Variants in ADH1C observed in about 807,000 individuals in gnomAD.
The protein encoded by ADH1C is alcohol dehydrogenase 1C (class I), gamma polypeptide.
Under a neutral mutation model 35.0 loss-of-function variants are expected in ADH1C, and 26 were observed. The observed-to-expected ratio is 0.74, with a 90% CI of 0.54 to 1.03. The LOEUF (loss-of-function observed/expected upper bound fraction) is 1.03. Ranked by LOEUF, ADH1C falls within the 50% of genes least tolerant of loss-of-function variation. ADH1C has a pLI of 0.00. For missense variants in ADH1C, 413 were observed against 465.4 expected (o/e 0.89, Z 1.04); for synonymous variants, 170 against 169.3 (o/e 1.00, Z -0.03).
At chr4:99,339,849 T>G in intron 7 of ADH1C, 134 bp from the exon 8 acceptor site, 1 of 829,320 alleles carries the variant, frequency 1.2e-6, no homozygotes, top group East Asian at 2.7e-5. Context: ...TAATAAGAGA[T>G]AGAGTACTTC....
intron 5 of ADH1C, 114 bp from the exon 6 acceptor site, chr4:99,343,169 C>A: frequency 2.1e-6 from 3 of 1,434,284 alleles, no homozygotes; most frequent in East Asian, 4.6e-5. Flanking sequence ...CTCTTCTGTC[C>A]AATCTGTTAT....
intron 6 of ADH1C, 45 bp downstream of exon 6, chr4:99,342,750 C>T (rs1417583998): frequency 3.7e-6 from 6 of 1,612,588 alleles, no homozygotes; most frequent in Non-Finnish European, 5.1e-6. Context: ...AATGCATCCT[C>T]CAGGTTGCAG....
At chr4:99,341,679 T>C in intron 6 of ADH1C, among the ~76,000 whole-genome samples, 1 of 152,152 alleles carries the variant, frequency 6.6e-6, no homozygotes, top group Non-Finnish European at 1.5e-5. Context: ...CAATGGAAAC[T>C]TTTTTGTTTC....
intron 8 of ADH1C, among the ~76,000 whole-genome samples, chr4:99,337,901 A>G (rs1734313715): frequency 6.6e-6 from 1 of 152,028 alleles, no homozygotes; most frequent in Non-Finnish European, 1.5e-5. Flanking sequence ...GAATTTATTA[A>G]ATCATATTCT....
At chr4:99,343,607 G>A (rs543459838) in intron 5 of ADH1C, among the ~76,000 whole-genome samples, 18 of 152,224 alleles carry the variant, frequency 1.2e-4, no homozygotes, top group East Asian at 9.6e-4. Flanking sequence ...TTCAGTAGTC[G>A]TGACCAGTAT....
At chr4:99,345,398 T>G in intron 3 of ADH1C, 132 bp from the exon 4 acceptor site, 7 of 971,348 alleles carry the variant, frequency 7.2e-6, no homozygotes, top group Non-Finnish European at 1.1e-5. Context: ...TAGTCACAAC[T>G]ATGTCATTTG....
intron 1 of ADH1C, 34 bp downstream of exon 1, chr4:99,352,624 A>C (rs1402480073): frequency 6.4e-7 from 1 of 1,559,888 alleles, no homozygotes; most frequent in African/African-American, 1.4e-5. Flanking sequence ...ATTGAAGAGA[A>C]TATATTATCA....
Position 99,342,708 on chromosome 4 carries a change from C to A in ADH1C, c.828+87G>T, listed in dbSNP as rs2110656531. The A allele has an allele frequency of 2.6e-6, 4 of 1,555,260 alleles. No homozygotes were observed. The East Asian group carries it at 9.0e-5, about 35-fold the overall frequency. Reference sequence around the variant, plus strand: ...ATTTCCATTCATCATTAAAAATATCCTTTATACATAATACGTATATTCTAC... The same window carrying A: ...ATTTCCATTCATCATTAAAAATATCATTTATACATAATACGTATATTCTAC... On this transcript the variant is annotated intron_variant, in intron 6 of 8. Transcript: ENST00000515683.
At chr4:99,341,592 T>C (rs977547957) in intron 6 of ADH1C, among the ~76,000 whole-genome samples, 1 of 152,162 alleles carries the variant, frequency 6.6e-6, no homozygotes, top group Non-Finnish European at 1.5e-5. Context: ...TTGTCCCAGG[T>C]CAAGGCTGCT....
chr4:99,336,553 T>C lies in ADH1C; in HGVS notation c.*199A>G. On this transcript the variant is annotated 3_prime_UTR_variant, in exon 9 of 9. Transcript: ENST00000515683. Reference sequence around the variant, plus strand: ...TCCCCAGTTGATGTTCAACACTTTATTTAGTTCTCATTTGGATTTTAAACA... The same window carrying C: ...TCCCCAGTTGATGTTCAACACTTTACTTAGTTCTCATTTGGATTTTAAACA... 1.5e-6 allele frequency: 1 copy of C among 686,964 alleles called. No individual in the cohort carries two copies. Among genetic ancestry groups the C allele is most frequent in the Non-Finnish European group, 2.5e-6 (1 of 406,718 alleles). The allele number at this position is 686,964 out of a possible 1,614,324, so 42.6% of individuals were successfully genotyped here.
At chr4:99,348,117 AT>A (rs916369490) in intron 1 of ADH1C, among the ~76,000 whole-genome samples, 150 of 151,892 alleles carry the variant, frequency 9.9e-4, no homozygotes, top group Middle Eastern at 3.4e-3. Context: ...ATTTTATTTT[AT>A]TTTTTTTGAA....
intron 6 of ADH1C, among the ~76,000 whole-genome samples, chr4:99,341,263 A>G (rs1734408518): frequency 6.6e-6 from 1 of 152,214 alleles, no homozygotes; most frequent in African/African-American, 2.4e-5. Flanking sequence ...TTTACATTAA[A>G]TTACACTGAT....
At chr4:99,340,542 A>C (rs1295946558) in intron 7 of ADH1C, 33 bp downstream of exon 7, 1 of 1,611,848 alleles carries the variant, frequency 6.2e-7, no homozygotes, top group Admixed American at 1.7e-5. Flanking sequence ...TCTTAGGTTA[A>C]TGAGAATTTG....
intron 4 of ADH1C, 34 bp from the exon 5 acceptor site, chr4:99,345,115 T>C (rs753947779): frequency 6.2e-7 from 1 of 1,614,082 alleles, no homozygotes; most frequent in East Asian, 2.2e-5. Flanking sequence ...CACAAAGGCA[T>C]GAGACAGGAC....
rs181608273 is a variant in ADH1C, at chr4:99,340,486, A to G, written c.964+89T>C. ...GAAATTTTAATTTATTTTTAATTTC[A>G]TTGCTTTTCAAAAACTTGCCTTGTC... On this transcript the variant is annotated intron_variant, in intron 7 of 8. Coordinates refer to ENST00000515683, the MANE Select transcript of ADH1C (RefSeq NM_000669.5). The G allele has an allele frequency of 1.1e-4, 157 of 1,426,076 alleles. 2 individuals are homozygous for G. The East Asian group carries it at 3.4e-3, about 31-fold the overall frequency. 88.3% of individuals were successfully genotyped at this position (1,426,076 alleles called of 1,614,324 possible). A position where few individuals can be genotyped will look rare whatever the true frequency, so the allele number is the denominator to read the frequency against.
rs1560536281 is a variant in ADH1C, at chr4:99,340,562, C to A, written c.964+13G>T. 2.5e-6 allele frequency: 4 copies of A among 1,613,650 alleles called. No homozygotes were observed. The highest frequency in any genetic ancestry group is 3.4e-6 in the Non-Finnish European group (4 of 1,179,840). On this transcript the variant is annotated intron_variant, in intron 7 of 8. Transcript: ENST00000515683. ...GGTTAATGAGAATTTGGCTCTGAAG[C>A]CTAACTACATACCTCCAAAAATAGC...
intron 6 of ADH1C, among the ~76,000 whole-genome samples, chr4:99,341,102 G>A (rs1734405097): frequency 1.3e-5 from 2 of 152,176 alleles, no homozygotes; most frequent in African/African-American, 4.8e-5. Flanking sequence ...CTTTGAATCA[G>A]ATATTTTGAT....
At chr4:99,347,264 C>T in intron 2 of ADH1C, 120 bp from the exon 3 acceptor site, 1 of 1,194,006 alleles carries the variant, frequency 8.4e-7, no homozygotes. Flanking sequence ...TGCTGATAAT[C>T]CCTACTATTC....
intron 8 of ADH1C, 66 bp downstream of exon 8, chr4:99,339,511 C>CGGGG: frequency 2.0e-6 from 1 of 511,664 alleles, no homozygotes; most frequent in Non-Finnish European, 2.6e-6. Flanking sequence ...TGCTAGACAA[C>CGGGG]GCCCCCCCCC....
Sources: gnomAD v4.1 joint callset for allele counts (sites outside exome capture counted in the v4.1 genomes callset) on GRCh38, gnomAD v4.1.1 for gene constraint, MANE v1.5 for transcripts, NCBI Gene and HGNC (gene_info 2026-07-23, HGNC 2026-07-21) for gene names.